The following DNAJC1 variants were observed in gnomAD, a reference collection of about 807,000 sequenced individuals.
DNAJC1 encodes DnaJ heat shock protein family (Hsp40) member C1.
DNAJC1 carries 58 observed loss-of-function variants against 76.6 expected under a neutral mutation model. That is an observed-to-expected ratio of 0.76 (90% CI 0.61 to 0.94). The LOEUF (loss-of-function observed/expected upper bound fraction) is 0.94, where lower values mean the gene tolerates loss of function less well. Among genes scored for constraint, DNAJC1 ranks in the 40% least tolerant of loss-of-function variants. DNAJC1 has a pLI of 0.00. For missense variants in DNAJC1, 689 were observed against 677.3 expected, an observed-to-expected ratio of 1.02 and a Z score of -0.19; for synonymous variants, 258 against 267.9, an observed-to-expected ratio of 0.96 and a Z score of 0.36.
intron 1 of DNAJC1, among the ~76,000 whole-genome samples, chr10:21,965,175 T>C (rs1049016673): frequency 3.3e-5 from 5 of 152,190 alleles, no homozygotes; most frequent in Non-Finnish European, 7.3e-5. Context: ...CATCTCTTTG[T>C]TATCTCAAGA....
intron 8 of DNAJC1, among the ~76,000 whole-genome samples, chr10:21,809,035 A>G (rs1256997333): frequency 1.3e-5 from 2 of 152,220 alleles, no homozygotes; most frequent in Non-Finnish European, 2.9e-5. Context: ...GAAAACTTAA[A>G]TTATATTCCC....
intron 8 of DNAJC1, among the ~76,000 whole-genome samples, chr10:21,835,468 C>A (rs1835434478): frequency 6.6e-6 from 1 of 152,182 alleles, no homozygotes; most frequent in South Asian, 2.1e-4. Context: ...GGGAACAAAG[C>A]TGGATGGAGA....
chr10:21,896,066 T>A (rs968074632), intron 7 of DNAJC1, among the ~76,000 whole-genome samples: 1 of 152,170 alleles, frequency 6.6e-6, no homozygotes, highest in Non-Finnish European at 1.5e-5. Context: ...TTTCAACAGA[T>A]GCCTCATAGA....
intron 1 of DNAJC1, among the ~76,000 whole-genome samples, chr10:21,974,674 G>A (rs530957178): frequency 4.5e-4 from 69 of 152,232 alleles, no homozygotes; most frequent in African/African-American, 1.6e-3. Flanking sequence ...GTTACCTGCT[G>A]TTTGGAAAAC....
At chr10:21,834,917 A>G (rs1424370492) in intron 8 of DNAJC1, among the ~76,000 whole-genome samples, 1 of 152,242 alleles carries the variant, frequency 6.6e-6, no homozygotes, top group Non-Finnish European at 1.5e-5. Flanking sequence ...ATAGACAAAC[A>G]AAAAGACAGC....
chr10:21,831,897 A>G (rs1257047940), intron 8 of DNAJC1, among the ~76,000 whole-genome samples: 1 of 152,038 alleles, frequency 6.6e-6, no homozygotes, highest in East Asian at 1.9e-4. Flanking sequence ...TCAAGGATTG[A>G]TACATTTACT....
At chr10:21,825,014 G>A (rs990369392) in intron 8 of DNAJC1, among the ~76,000 whole-genome samples, 1 of 152,062 alleles carries the variant, frequency 6.6e-6, no homozygotes. Context: ...GACCTCAGGT[G>A]GATCCACCTG....
chr10:21,823,134 C>G (rs79550285), intron 8 of DNAJC1, among the ~76,000 whole-genome samples: 4,788 of 152,140 alleles, frequency 0.031, 132 homozygotes, highest in Middle Eastern at 0.065. Context: ...ATCTCTGCCA[C>G]TTCAAAGAGA....
At chr10:21,937,988 CTT>C (rs1590057626) in intron 1 of DNAJC1, among the ~76,000 whole-genome samples, 1 of 152,040 alleles carries the variant, frequency 6.6e-6, no homozygotes, top group Non-Finnish European at 1.5e-5. Context: ...AGCCTATACT[CTT>C]TTTAAAAGAA....
At chr10:21,881,952 A>G (rs1590030448) in intron 8 of DNAJC1, among the ~76,000 whole-genome samples, 1 of 152,014 alleles carries the variant, frequency 6.6e-6, no homozygotes, top group Admixed American at 6.6e-5. Flanking sequence ...CAGAAGATCA[A>G]AACCATCCTG....
At chr10:21,953,114 T>C (rs1837624533) in intron 1 of DNAJC1, among the ~76,000 whole-genome samples, 5 of 152,236 alleles carry the variant, frequency 3.3e-5, no homozygotes, top group Middle Eastern at 3.4e-3. Flanking sequence ...GAATATTTAC[T>C]AAAGAACATA....
chr10:21,909,032 G>A (rs1032719316), intron 6 of DNAJC1, among the ~76,000 whole-genome samples: 2 of 152,070 alleles, frequency 1.3e-5, no homozygotes, highest in Non-Finnish European at 2.9e-5. Flanking sequence ...GATAACAGGT[G>A]CCCACCACCA....
intron 8 of DNAJC1, among the ~76,000 whole-genome samples, chr10:21,823,014 G>C (rs569019930): frequency 2.3e-4 from 35 of 151,928 alleles, no homozygotes; most frequent in Non-Finnish European, 3.5e-4. Context: ...GAGAAGGTCT[G>C]TGTAATTTAC....
At chr10:21,888,634 A>G (rs1836406857) in intron 7 of DNAJC1, among the ~76,000 whole-genome samples, 1 of 152,232 alleles carries the variant, frequency 6.6e-6, no homozygotes, top group Non-Finnish European at 1.5e-5. Flanking sequence ...AGGAACATGG[A>G]TGGAGCTGGA....
chr10:21,990,990 T>C (rs1278643009), intron 1 of DNAJC1, among the ~76,000 whole-genome samples: 1 of 152,144 alleles, frequency 6.6e-6, no homozygotes, highest in Non-Finnish European at 1.5e-5. Flanking sequence ...CAGAGGCAGC[T>C]AGTAAAAAAG....
In DNAJC1 at chr10:21,929,046, A is replaced by G. The variant is rs746353772; in HGVS notation, c.318T>C (p.Phe106=). The G allele has an allele frequency of 6.3e-7, 1 of 1,599,890 alleles. No individual in the cohort carries two copies. Among genetic ancestry groups the G allele is most frequent in the South Asian group, 1.1e-5 (1 of 89,732 alleles). Residue 106 remains phenylalanine (F), a synonymous_variant, in exon 2 of 12, where the codon TTT becomes TTC. Transcript: ENST00000376980. ...AATAGCATATTTCACTTACTTGTCT[A>G]AACTGAGTTTCTGCATTTTCATCTT... The part of the protein sequence containing the change: ...KNKDENAETQ[F]RQLVAIYEVL...
At chr10:21,856,692 T>G (rs533659694) in intron 8 of DNAJC1, among the ~76,000 whole-genome samples, 1 of 152,132 alleles carries the variant, frequency 6.6e-6, no homozygotes, top group Admixed American at 6.6e-5. Flanking sequence ...TGCAAGATAG[T>G]TGGAAAACTA....
At chr10:21,947,851 T>A (rs1159404508) in intron 1 of DNAJC1, among the ~76,000 whole-genome samples, 2 of 152,236 alleles carry the variant, frequency 1.3e-5, no homozygotes, top group African/African-American at 4.8e-5. Flanking sequence ...GTTTCATAGT[T>A]CTTATCTCTG....
chr10:21,997,414 C>T (rs1236896295), intron 1 of DNAJC1, among the ~76,000 whole-genome samples: 1 of 152,170 alleles, frequency 6.6e-6, no homozygotes, highest in Non-Finnish European at 1.5e-5. Context: ...ACAGTATGCT[C>T]AAGGGTAAGT....
Sources: gnomAD v4.1 joint callset for allele counts (sites outside exome capture counted in the v4.1 genomes callset) on GRCh38, gnomAD v4.1.1 for gene constraint, MANE v1.5 for transcripts, NCBI Gene and HGNC (gene_info 2026-07-23, HGNC 2026-07-21) for gene names.